Variants in AATF observed in about 807,000 individuals in gnomAD.
AATF encodes protein AATF.
AATF carries 48 observed loss-of-function variants against 63.7 expected under a neutral mutation model. The ratio of observed to expected loss-of-function variants is 0.75; its 90% CI spans 0.60 to 0.96. The LOEUF (loss-of-function observed/expected upper bound fraction) is 0.96. Ranked by LOEUF, AATF falls within the 40% of genes least tolerant of loss-of-function variation. AATF has a pLI of 0.00. For missense variants in AATF, 639 were observed against 685.7 expected, an observed-to-expected ratio of 0.93 and a Z score of 0.76; for synonymous variants, 258 against 247.7, an observed-to-expected ratio of 1.04 and a Z score of -0.39.
chr17:36,961,039 A>G (rs764838684), intron 4 of AATF, among the ~76,000 whole-genome samples: 12 of 152,204 alleles, frequency 7.9e-5, no homozygotes, highest in Non-Finnish European at 1.8e-4. Context: ...TCGCGTGCAC[A>G]CACACACACA....
chr17:37,005,906 T>C (rs904329842), intron 8 of AATF, among the ~76,000 whole-genome samples: 6 of 152,102 alleles, frequency 3.9e-5, no homozygotes, highest in African/African-American at 1.4e-4. Context: ...GGTGGGAAGA[T>C]TGCTTGAACC....
chr17:37,053,398 A>AT (rs2071770368), intron 11 of AATF, among the ~76,000 whole-genome samples: 1 of 152,092 alleles, frequency 6.6e-6, no homozygotes, highest in Non-Finnish European at 1.5e-5. Flanking sequence ...TTTCATTTCA[A>AT]TTTTTTGAAT....
chr17:37,029,903 A>G (rs995127166), intron 10 of AATF, among the ~76,000 whole-genome samples: 11 of 151,468 alleles, frequency 7.3e-5, no homozygotes, highest in African/African-American at 2.7e-4. Flanking sequence ...GGGTCTTGCT[A>G]TGTTGCCCAG....
chr17:36,982,866 G>A (rs2071138044), intron 4 of AATF, among the ~76,000 whole-genome samples: 1 of 151,968 alleles, frequency 6.6e-6, no homozygotes, highest in South Asian at 2.1e-4. Context: ...CCTCTTCTCA[G>A]CCCCTGGTAA....
intron 8 of AATF, among the ~76,000 whole-genome samples, chr17:37,007,887 CAG>C (rs2071354430): frequency 6.6e-6 from 1 of 152,046 alleles, no homozygotes; most frequent in South Asian, 2.1e-4. Flanking sequence ...ATAGTTCAAA[CAG>C]AATAAATGAT....
At chr17:36,974,124 C>T (rs1429099641) in intron 4 of AATF, among the ~76,000 whole-genome samples, 1 of 151,028 alleles carries the variant, frequency 6.6e-6, no homozygotes, top group Non-Finnish European at 1.5e-5. Context: ...GGAAATATTT[C>T]TTCCCTAATC....
chr17:37,021,252 C>G, intron 10 of AATF: 1 of 394,964 alleles, frequency 2.5e-6, no homozygotes, highest in Admixed American at 4.4e-5. Context: ...ATATGCATTC[C>G]CTTGAAAGAG....
chr17:37,038,231 G>A (rs1299990881), intron 11 of AATF, among the ~76,000 whole-genome samples: 1 of 152,214 alleles, frequency 6.6e-6, no homozygotes, highest in African/African-American at 2.4e-5. Context: ...ATGGAAATAA[G>A]CATCTGCTTT....
chr17:37,019,238 C>A (rs533581161), intron 9 of AATF, among the ~76,000 whole-genome samples, 166 bp downstream of exon 9: 3 of 152,298 alleles, frequency 2.0e-5, no homozygotes, highest in African/African-American at 7.2e-5. Flanking sequence ...CCTACATTGC[C>A]TAAAGTGCAA....
At chr17:37,044,235 C>G (rs942886312) in intron 11 of AATF, among the ~76,000 whole-genome samples, 4 of 152,148 alleles carry the variant, frequency 2.6e-5, no homozygotes, top group African/African-American at 9.7e-5. Context: ...TTGTATAGAT[C>G]CATATTATGT....
intron 8 of AATF, among the ~76,000 whole-genome samples, chr17:36,996,415 CAG>C (rs778239095): frequency 1.3e-5 from 2 of 151,922 alleles, no homozygotes; most frequent in Non-Finnish European, 2.9e-5. Context: ...GCCTGGGCGA[CAG>C]AGAATAAATA....
intron 10 of AATF, among the ~76,000 whole-genome samples, chr17:37,030,028 G>T (rs536454351): frequency 2.8e-4 from 43 of 151,566 alleles, no homozygotes; most frequent in African/African-American, 5.8e-4. Context: ...GTGTGGTTTG[G>T]TTTTTTTTCA....
chr17:37,033,607 A>T (rs1356686895), intron 11 of AATF: 1 of 154,640 alleles, frequency 6.5e-6, no homozygotes, highest in African/African-American at 2.4e-5. Context: ...AAATGACTCT[A>T]TTAGGATTAA....
chr17:37,025,635 C>A (rs35042814), intron 10 of AATF, among the ~76,000 whole-genome samples: 1 of 152,296 alleles, frequency 6.6e-6, no homozygotes, highest in East Asian at 1.9e-4. Context: ...ACATGAAATG[C>A]CTTTGGTTAC....
At chr17:36,996,708 A>G (rs1387131794) in intron 8 of AATF, among the ~76,000 whole-genome samples, 2 of 152,296 alleles carry the variant, frequency 1.3e-5, no homozygotes, top group East Asian at 1.9e-4. Flanking sequence ...CAATATTAGC[A>G]TTTGGTTGCT....
intron 4 of AATF, among the ~76,000 whole-genome samples, chr17:36,969,520 C>G (rs534258741): frequency 1.3e-5 from 2 of 152,186 alleles, no homozygotes; most frequent in Admixed American, 6.5e-5. Flanking sequence ...TGGGCACTGC[C>G]AGTTCCTGAG....
chr17:37,025,154 G>A (rs1226402482), intron 10 of AATF, among the ~76,000 whole-genome samples: 2 of 152,160 alleles, frequency 1.3e-5, no homozygotes, highest in Non-Finnish European at 2.9e-5. Context: ...CAGGGAACTA[G>A]ATAGGTCTTG....
At chr17:36,986,979 T>G (rs140977106) in intron 5 of AATF, among the ~76,000 whole-genome samples, 114 of 152,268 alleles carry the variant, frequency 7.5e-4, no homozygotes, top group African/African-American at 2.6e-3. Context: ...CTATTGGAAT[T>G]AGAAGATAAA....
chr17:37,049,398 C>T lies in AATF; in HGVS notation c.1620-7203C>T, dbSNP rs187698657. The stretch of plus-strand genomic sequence containing the variant: ...CGGGCAGATCACGAGGTCAGGAGAT[C>T]GAGACCATCCTGGCTAACACAGTGA... On this transcript the variant is annotated intron_variant, in intron 11 of 11. Coordinates refer to ENST00000619387, the MANE Select transcript of AATF (RefSeq NM_012138.4). 4.0e-3 allele frequency among the ~76,000 whole-genome samples: 608 copies of T among 152,080 alleles called. 2 individuals are homozygous for T. Among genetic ancestry groups the T allele is most frequent in the Middle Eastern group, 0.024 (7 of 294 alleles).
Sources: allele counts gnomAD v4.1 joint callset (sites outside exome capture counted in the v4.1 genomes callset), GRCh38; gene constraint gnomAD v4.1.1; transcripts MANE v1.5; gene names NCBI Gene and HGNC (gene_info 2026-07-23, HGNC 2026-07-21).